Variants in LRP5 observed in about 807,000 individuals in gnomAD.
LRP5 encodes LDL receptor related protein 5, also known as low-density lipoprotein receptor-related protein 5.
In LRP5, 62 loss-of-function variants were observed where a neutral mutation model predicts 154.1. The observed-to-expected ratio is 0.40, with a 90% CI of 0.33 to 0.50. The LOEUF (loss-of-function observed/expected upper bound fraction) is 0.50. Ranked by LOEUF, LRP5 falls within the 20% of genes least tolerant of loss-of-function variation. LRP5 has a pLI of 0.55. For missense variants in LRP5, 1,915 were observed against 2,336.7 expected (o/e 0.82, Z 3.72); for synonymous variants, 966 against 1,011.5 (o/e 0.96, Z 0.85).
intron 17 of LRP5, among the ~76,000 whole-genome samples, chr11:68,432,865 C>T (rs979926756): frequency 2.0e-5 from 3 of 152,232 alleles, no homozygotes; most frequent in Admixed American, 6.5e-5. Flanking sequence ...ATGCCCAGCC[C>T]GCACTGAGGA....
At chr11:68,314,106 C>G (rs903240552) in intron 1 of LRP5, among the ~76,000 whole-genome samples, 17 of 152,310 alleles carry the variant, frequency 1.1e-4, no homozygotes, top group Non-Finnish European at 2.4e-4. Context: ...GCGACAGTAT[C>G]TGGGGAGTAC....
Position 68,323,115 on chromosome 11 carries a change from T to G in LRP5, c.91+10310T>G, listed in dbSNP as rs113324278. On this transcript the variant is annotated intron_variant, in intron 1 of 22. Transcript: ENST00000294304. ...AAAGTCTTGGTGGTTTTGATTGATT[T>G]ATTTATTTTTTGAGATGGAGTCTCG... Among the ~76,000 whole-genome samples, 708 of 152,350 alleles carry G rather than the reference T, an allele frequency of 4.6e-3. 8 individuals carry two copies. Among genetic ancestry groups the G allele is most frequent in the Middle Eastern group, 0.027 (8 of 294 alleles).
chr11:68,343,653 T>G (rs771431649), intron 1 of LRP5, among the ~76,000 whole-genome samples: 2 of 152,016 alleles, frequency 1.3e-5, no homozygotes, highest in Admixed American at 6.5e-5. Flanking sequence ...GGTGTCCTTG[T>G]TGGTGATGGT....
At chr11:68,376,582 C>T (rs1299802168) in intron 5 of LRP5, among the ~76,000 whole-genome samples, 1 of 152,226 alleles carries the variant, frequency 6.6e-6, no homozygotes, top group African/African-American at 2.4e-5. Flanking sequence ...GGCGTCCTGG[C>T]CGGCCCCCAA....
intron 13 of LRP5, among the ~76,000 whole-genome samples, chr11:68,418,096 G>A (rs972540434): frequency 6.6e-6 from 1 of 152,152 alleles, no homozygotes; most frequent in Admixed American, 6.5e-5. Context: ...TAGAATTCCA[G>A]GACAGGCCTG....
chr11:68,396,046 C>T (rs627174), intron 7 of LRP5, among the ~76,000 whole-genome samples: 113,235 of 151,788 alleles, frequency 0.75, 43,762 homozygotes, highest in South Asian at 0.93. Context: ...CCGCTGAGTA[C>T]GCAGTGTGTG....
rs533153057 is a variant in LRP5 at position 68,363,638 on chromosome 11, C to A, written c.687-109C>A. The A allele has an allele frequency of 1.2e-4, 109 of 899,782 alleles. 1 individual carries two copies. In the East Asian group the frequency reaches 1.6e-3, roughly 13 times the overall value. 55.7% of individuals were successfully genotyped at this position (899,782 alleles called of 1,614,324 possible). A position where few individuals can be genotyped will look rare whatever the true frequency, so the allele number is the denominator to read the frequency against. On this transcript the variant is annotated intron_variant, in intron 3 of 22. Transcript: ENST00000294304. Reference sequence around the variant, plus strand: ...CATCACTGCACTCCAGCCTGGGCGACAGACCGAGACTCCATCTCAAAAAAA... The same window carrying A: ...CATCACTGCACTCCAGCCTGGGCGAAAGACCGAGACTCCATCTCAAAAAAA...
rs1007351493 is a variant in LRP5 at position 68,353,838 on chromosome 11, G to A, written c.489-3812G>A. ...GATCAAGAGCCCTGCAGCCAGGGGG[G>A]CCCCTCCTGAGACTCGACTTCGTTG... On this transcript the variant is annotated intron_variant, in intron 2 of 22. Transcript: ENST00000294304. The surrounding 1 kb of genome is among the most constrained non-coding windows in gnomAD (Gnocchi z 4.5). Among the ~76,000 whole-genome samples the A allele has an allele frequency of 6.6e-6, 1 of 152,194 alleles. No individual in the cohort carries two copies. Among genetic ancestry groups the A allele is most frequent in the Non-Finnish European group, 1.5e-5 (1 of 68,028 alleles).
intron 3 of LRP5, among the ~76,000 whole-genome samples, chr11:68,363,318 C>T (rs1247991385): frequency 6.6e-6 from 1 of 152,142 alleles, no homozygotes; most frequent in Non-Finnish European, 1.5e-5. Context: ...TGTACGAGGG[C>T]GCCAGCTCCT....
intron 1 of LRP5, among the ~76,000 whole-genome samples, chr11:68,341,905 G>A (rs979396718): frequency 2.0e-5 from 3 of 152,092 alleles, no homozygotes; most frequent in African/African-American, 4.8e-5. Flanking sequence ...ACGTGAATAC[G>A]GAGCCATTCA....
At position 68,416,379 on chromosome 11, in the gene LRP5, T is replaced by C; in HGVS notation, c.2879T>C (p.Ile960Thr). Residue 960 changes from isoleucine to threonine, a missense_variant, in exon 13 of 23, where the codon ATC becomes ACC. Ile to Thr is a moderately conservative substitution (Grantham distance 89, BLOSUM62 -1). Coordinates refer to ENST00000294304, the MANE Select transcript of LRP5 (RefSeq NM_002335.4). ...FSQKSAISRM[I>T]PDDQHSPDLI... ...CAGAAATCTGCCATCAGTCGGATGA[T>C]CCCGGACGACCAGCACAGCCCGGAT... 3 of 1,614,154 alleles carry C rather than the reference T, an allele frequency of 1.9e-6. No homozygotes were observed. The highest frequency in any genetic ancestry group is 2.5e-6 in the Non-Finnish European group (3 of 1,180,032).
At chr11:68,444,993 G>A (rs2098680633) in intron 21 of LRP5, among the ~76,000 whole-genome samples, 3 of 152,064 alleles carry the variant, frequency 2.0e-5, no homozygotes, top group Admixed American at 2.0e-4. Flanking sequence ...AAAGGGCAGG[G>A]GAAGGGCCTG....
intron 3 of LRP5, 30 bp downstream of exon 3, chr11:68,357,877 C>T: frequency 1.9e-6 from 3 of 1,584,334 alleles, no homozygotes; most frequent in South Asian, 1.1e-5. Flanking sequence ...TGGGGCACCC[C>T]TTTCCCCTTT....
At chr11:68,332,527 C>T (rs890195642) in intron 1 of LRP5, among the ~76,000 whole-genome samples, 4 of 152,188 alleles carry the variant, frequency 2.6e-5, no homozygotes, top group South Asian at 4.1e-4. Context: ...GGTGAGCTGG[C>T]GGGCTTACGG....
intron 19 of LRP5, among the ~76,000 whole-genome samples, chr11:68,437,736 T>A (rs890801695): frequency 1.5e-4 from 23 of 152,222 alleles, no homozygotes; most frequent in Non-Finnish European, 1.5e-5. Context: ...TCGTGCCAGG[T>A]CAGGCTTGAG....
In LRP5 at chr11:68,386,630, C is replaced by T. The variant is rs80358308; in HGVS notation, c.1330C>T (p.Arg444Cys). 2.3e-5 allele frequency: 37 copies of T among 1,613,502 alleles called. No homozygotes were observed. The highest frequency in any genetic ancestry group is 2.6e-5 in the Non-Finnish European group (31 of 1,179,928). The part of the protein sequence containing the change: ...DTGTDRIEVT[R>C]LNGTSRKILV... ...GGGCACGGACCGCATCGAGGTGACG[C>T]GCCTCAACGGCACCTCCCGCAAGAT... Residue 444 changes from arginine to cysteine, a missense_variant, in exon 6 of 23, where the codon CGC becomes TGC. Physicochemically the swap from Arg to Cys is radical, Grantham distance 180. Coordinates refer to ENST00000294304, the MANE Select transcript of LRP5 (RefSeq NM_002335.4). This position sits in a 1 kb window ranked among gnomAD's most constrained non-coding sequence, Gnocchi z 7.9.
Position 68,386,134 on chromosome 11 carries a change from C to A in LRP5, c.1016-182C>A, listed in dbSNP as rs1329997040. Among the ~76,000 whole-genome samples the A allele has an allele frequency of 6.6e-6, 1 of 152,212 alleles. No homozygotes were observed. Among genetic ancestry groups the A allele is most frequent in the African/African-American group, 2.4e-5 (1 of 41,452 alleles). ...AACAGTGCCAGCCTCCCAGAGGTGT[C>A]ATGAGGATGAACGAGTGACCATGTA... On this transcript the variant is annotated intron_variant, in intron 5 of 22. Coordinates refer to ENST00000294304, the MANE Select transcript of LRP5 (RefSeq NM_002335.4). This position sits in a 1 kb window ranked among gnomAD's most constrained non-coding sequence, Gnocchi z 7.9.
chr11:68,353,060 A>G lies in LRP5; in HGVS notation c.489-4590A>G, dbSNP rs1322931075. On this transcript the variant is annotated intron_variant, in intron 2 of 22. Coordinates refer to ENST00000294304, the MANE Select transcript of LRP5 (RefSeq NM_002335.4). The surrounding 1 kb of genome is among the most constrained non-coding windows in gnomAD (Gnocchi z 4.5). ...AGATGCTGGGCCCTTGGTTGGGAGT[A>G]GTCTTTCCCATGCTCAGATCTGAGC... Among the ~76,000 whole-genome samples, 1 of 152,088 alleles carries G rather than the reference A, an allele frequency of 6.6e-6. No homozygotes were observed. Among genetic ancestry groups the G allele is most frequent in the African/African-American group, 2.4e-5 (1 of 41,392 alleles).
intron 1 of LRP5, among the ~76,000 whole-genome samples, chr11:68,327,356 A>C (rs1357912413): frequency 2.0e-5 from 3 of 152,188 alleles, no homozygotes; most frequent in Admixed American, 6.5e-5. Context: ...GGACCCAGTG[A>C]AGGCCAGGAG....
Sources: allele counts gnomAD v4.1 joint callset (sites outside exome capture counted in the v4.1 genomes callset), GRCh38; gene constraint gnomAD v4.1.1; non-coding constraint Gnocchi (gnomAD v3.1); transcripts MANE v1.5; gene names NCBI Gene and HGNC (gene_info 2026-07-23, HGNC 2026-07-21).